IL6ST: variants seen among roughly 807,000 people sequenced by gnomAD.
IL6ST encodes interleukin 6 cytokine family signal transducer, also known as interleukin-6 receptor subunit beta.
IL6ST carries 24 observed loss-of-function variants against 91.3 expected under a neutral mutation model. The observed-to-expected ratio is 0.26, with a 90% CI of 0.19 to 0.37. IL6ST has a LOEUF of 0.37. Ranked by LOEUF, IL6ST falls within the 10% of genes least tolerant of loss-of-function variation. IL6ST has a pLI of 1.00. For missense variants in IL6ST, 914 were observed against 1,078.5 expected, an observed-to-expected ratio of 0.85 and a Z score of 2.14; for synonymous variants, 351 against 373.6, an observed-to-expected ratio of 0.94 and a Z score of 0.70.
At chr5:55,954,204 C>T (rs1751820617) in intron 11 of IL6ST, among the ~76,000 whole-genome samples, 1 of 152,120 alleles carries the variant, frequency 6.6e-6, no homozygotes, top group Non-Finnish European at 1.5e-5. Context: ...TCTAATTAAC[C>T]ATATTATTCA....
chr5:55,955,836 G>T, intron 10 of IL6ST, 189 bp downstream of exon 10: 1 of 355,408 alleles, frequency 2.8e-6, no homozygotes, highest in Non-Finnish European at 5.0e-6. Flanking sequence ...GAGCAACCTG[G>T]CGAGACCCAG....
intron 14 of IL6ST, among the ~76,000 whole-genome samples, chr5:55,950,890 A>T (rs534792243): frequency 6.6e-6 from 1 of 152,056 alleles, no homozygotes; most frequent in South Asian, 2.1e-4. Context: ...TCAAGGCTGC[A>T]GTGTGCCATG....
intron 2 of IL6ST, among the ~76,000 whole-genome samples, chr5:55,981,332 T>C (rs1753656794): frequency 6.6e-6 from 1 of 152,152 alleles, no homozygotes; most frequent in Non-Finnish European, 1.5e-5. Flanking sequence ...TTAACTTCAC[T>C]TGGGGCTTGC....
chr5:55,941,712 T>C lies in IL6ST; in HGVS notation c.2127A>G (p.Lys709=). ...TTTCCTTTTTGAACAGGTCCAATGA[T>C]TTCAGATCTTCTGGAAAAGGCTTTT... The part of the protein sequence containing the change: ...NDKKPFPEDL[K]SLDLFKKEKI... The change falls in exon 17 of 17, where the codon AAA becomes AAG. Residue 709 remains lysine (K), a synonymous_variant. Transcript: ENST00000381298. 6.2e-7 allele frequency: 1 copy of C among 1,614,096 alleles called. No individual in the cohort carries two copies. The highest frequency in any genetic ancestry group is 8.5e-7 in the Non-Finnish European group (1 of 1,180,014).
At chr5:55,944,865 C>T (rs1433494943) in intron 15 of IL6ST, 10 of 574,512 alleles carry the variant, frequency 1.7e-5, no homozygotes, top group East Asian at 1.1e-4. Flanking sequence ...AGAACTTCAT[C>T]GCCCTCTGAT....
chr5:55,941,145 A>G lies in IL6ST; in HGVS notation c.2694T>C (p.Asp898=), dbSNP rs1387740618. The G allele has an allele frequency of 6.2e-7, 1 of 1,614,072 alleles. No individual in the cohort carries two copies. The change falls in exon 17 of 17, where the codon GAT becomes GAC. Residue 898 remains aspartate, a synonymous_variant. Transcript: ENST00000381298. ...GTAAGTAACTTTTAGGCATGCCTTC[A>G]TCAGTCGCAGCCTCCATGCCAACTG... The part of the protein sequence containing the change: ...FETVGMEAAT[D]EGMPKSYLPQ...
intron 3 of IL6ST, among the ~76,000 whole-genome samples, chr5:55,975,072 G>T (rs1350228766): frequency 6.6e-6 from 1 of 151,748 alleles, no homozygotes; most frequent in African/African-American, 2.4e-5. Flanking sequence ...GTGACCTCGA[G>T]GTCCAGGGCT....
In IL6ST at chr5:55,940,527, T is replaced by C; in HGVS notation, c.*555A>G. ...AATGGAAGGGACCTAAGGAATACCG[T>C]GTACACTGATATACACGAAGCTGCT... On this transcript the variant is annotated 3_prime_UTR_variant, in exon 17 of 17. Transcript: ENST00000381298. 9.4e-6 allele frequency: 2 copies of C among 213,526 alleles called. No individual in the cohort carries two copies. Among genetic ancestry groups the C allele is most frequent in the East Asian group, 1.4e-4 (2 of 14,270 alleles). The allele number at this position is 213,526 out of a possible 1,614,324, so 13.2% of individuals were successfully genotyped here.
intron 15 of IL6ST, chr5:55,944,608 G>C: frequency 1.6e-6 from 1 of 627,524 alleles, no homozygotes. Context: ...CGTTAAGACT[G>C]CAGTTCTCTC....
At chr5:55,972,861 C>T (rs1302392529) in intron 3 of IL6ST, among the ~76,000 whole-genome samples, 3 of 151,812 alleles carry the variant, frequency 2.0e-5, no homozygotes, top group South Asian at 2.1e-4. Context: ...AAAAATTACC[C>T]GGGCGTGGTG....
intron 3 of IL6ST, among the ~76,000 whole-genome samples, chr5:55,975,250 GCCT>G (rs1333322028): frequency 6.6e-6 from 1 of 152,130 alleles, no homozygotes; most frequent in African/African-American, 2.4e-5. Context: ...ACTTGGTACT[GCCT>G]CGAGATGGTG....
chr5:55,991,063 A>G (rs1484896001), intron 1 of IL6ST, among the ~76,000 whole-genome samples: 4 of 152,224 alleles, frequency 2.6e-5, no homozygotes, highest in Non-Finnish European at 5.9e-5. Context: ...TACAAAGGAC[A>G]TGAACTCATC....
chr5:55,964,424 T>G, intron 5 of IL6ST, 112 bp from the exon 6 acceptor site: 1 of 644,594 alleles, frequency 1.6e-6, no homozygotes, highest in South Asian at 2.2e-5. Context: ...TAGCAAACTT[T>G]GCAATATAAC....
chr5:55,965,119 TATAAC>T (rs1385438828), intron 5 of IL6ST, among the ~76,000 whole-genome samples: 2 of 152,142 alleles, frequency 1.3e-5, no homozygotes, highest in Non-Finnish European at 2.9e-5. Flanking sequence ...GAGTATGTAG[TATAAC>T]CACATAGAAA....
At chr5:55,988,110 G>GAC (rs775505450) in intron 1 of IL6ST, among the ~76,000 whole-genome samples, 1 of 143,170 alleles carries the variant, frequency 7.0e-6, no homozygotes, top group East Asian at 2.0e-4. Context: ...CAGCCTGGGC[G>GAC]ACAGAGTGAG....
intron 5 of IL6ST, among the ~76,000 whole-genome samples, chr5:55,966,279 A>G (rs770757949): frequency 5.9e-5 from 9 of 152,254 alleles, no homozygotes; most frequent in Non-Finnish European, 1.2e-4. Flanking sequence ...AATCCCATTT[A>G]TATGAGACAT....
At chr5:55,970,044 T>A (rs1206312964) in intron 3 of IL6ST, among the ~76,000 whole-genome samples, 189 bp from the exon 4 acceptor site, 1 of 152,154 alleles carries the variant, frequency 6.6e-6, no homozygotes, top group Admixed American at 6.5e-5. Context: ...TAAAGAAATA[T>A]ACAAATTATA....
intron 2 of IL6ST, among the ~76,000 whole-genome samples, chr5:55,977,079 T>G (rs1753337219): frequency 6.6e-6 from 1 of 152,070 alleles, no homozygotes; most frequent in Non-Finnish European, 1.5e-5. Context: ...AACTGCTGAA[T>G]GTATAAACAT....
At chr5:55,975,182 C>A (rs1326744966) in intron 3 of IL6ST, among the ~76,000 whole-genome samples, 1 of 152,056 alleles carries the variant, frequency 6.6e-6, no homozygotes, top group African/African-American at 2.4e-5. Flanking sequence ...ATCATAATCC[C>A]CAGTGTTGGA....
Sources: allele counts gnomAD v4.1 joint callset (sites outside exome capture counted in the v4.1 genomes callset), GRCh38; gene constraint gnomAD v4.1.1; transcripts MANE v1.5; gene names NCBI Gene and HGNC (gene_info 2026-07-23, HGNC 2026-07-21).